The following CDYL variants were observed in gnomAD, a reference collection of about 807,000 sequenced individuals.
CDYL encodes chromodomain Y like.
In CDYL, 8 loss-of-function variants were observed where a neutral mutation model predicts 47.3. The observed-to-expected ratio is 0.17, with a 90% confidence interval of 0.10 to 0.31. The LOEUF (loss-of-function observed/expected upper bound fraction) is 0.31, where lower values mean the gene tolerates loss of function less well. Ranked by LOEUF, CDYL falls within the 10% of genes least tolerant of loss-of-function variation. The probability of loss-of-function intolerance (pLI) is 1.00; values close to 1 mark genes in which losing one functional copy is unlikely to be tolerated. For missense variants in CDYL, 471 were observed against 701.4 expected, an observed-to-expected ratio of 0.67 and a Z score of 3.71; for synonymous variants, 266 against 265.0, an observed-to-expected ratio of 1.00 and a Z score of -0.04.
rs1276195653 is a variant in CDYL at position 4,712,403 on chromosome 6, AG to A, written c.-38-3335del. Among the ~76,000 whole-genome samples, 8 of 152,348 alleles carry A rather than the reference AG, an allele frequency of 5.3e-5. No homozygotes were observed. The East Asian group carries it at 1.5e-3, about 29-fold the overall frequency. ...CCAAGGTCCCCAACTGAAGGTAGAA[AG>A]GGTGACAGTGGCCAGCGGAGTGAGA... On this transcript the variant is annotated intron_variant, in intron 1 of 8. Transcript: ENST00000328908.
At chr6:4,890,055 A>G in intron 1 of CDYL, 2 of 985,446 alleles carry the variant, frequency 2.0e-6, no homozygotes, top group Non-Finnish European at 2.4e-6. Flanking sequence ...GGCTCTAAGG[A>G]AACAGAGGAA....
At chr6:4,842,729 T>C (rs913768380) in intron 1 of CDYL, among the ~76,000 whole-genome samples, 2 of 152,192 alleles carry the variant, frequency 1.3e-5, no homozygotes, top group African/African-American at 4.8e-5. Context: ...TTCTGTTCTC[T>C]TTCCAGTGGA....
intron 5 of CDYL, among the ~76,000 whole-genome samples, chr6:4,947,449 G>A (rs546866765): frequency 6.6e-6 from 1 of 152,150 alleles, no homozygotes; most frequent in Non-Finnish European, 1.5e-5. Flanking sequence ...GACAAGTCCA[G>A]GGGCTAAGGC....
intron 1 of CDYL, among the ~76,000 whole-genome samples, chr6:4,849,822 G>T (rs1435843193): frequency 6.6e-6 from 1 of 151,790 alleles, no homozygotes; most frequent in African/African-American, 2.4e-5. Context: ...CCTTCATGAA[G>T]CTCACATGTA....
At chr6:4,856,227 T>C (rs907564396) in intron 1 of CDYL, among the ~76,000 whole-genome samples, 3 of 152,080 alleles carry the variant, frequency 2.0e-5, no homozygotes, top group Non-Finnish European at 4.4e-5. Flanking sequence ...CTGTGATAAA[T>C]CATAAGGAGA....
At chr6:4,750,508 A>T (rs1013283647) in intron 3 of CDYL, among the ~76,000 whole-genome samples, 5 of 151,356 alleles carry the variant, frequency 3.3e-5, no homozygotes, top group South Asian at 2.1e-4. Context: ...GGCCAAAAAA[A>T]TTTTTTTAAT....
At chr6:4,735,114 CCG>C (rs1366194981) in intron 3 of CDYL, among the ~76,000 whole-genome samples, 2 of 151,974 alleles carry the variant, frequency 1.3e-5, no homozygotes. Context: ...TGGAGAAACC[CCG>C]TCTCTACTAA....
intron 3 of CDYL, among the ~76,000 whole-genome samples, chr6:4,760,853 A>AT (rs1448144954): frequency 1.2e-3 from 180 of 145,884 alleles, no homozygotes; most frequent in South Asian, 2.4e-3. Context: ...GCCTTCTGGG[A>AT]TTTTTTTTTT....
At chr6:4,907,797 G>T (rs1023338479) in intron 2 of CDYL, among the ~76,000 whole-genome samples, 1 of 152,194 alleles carries the variant, frequency 6.6e-6, no homozygotes, top group Admixed American at 6.5e-5. Context: ...TTAGGTTGCT[G>T]TTATGGTGAG....
intron 1 of CDYL, among the ~76,000 whole-genome samples, chr6:4,870,840 G>A (rs952584795): frequency 1.3e-5 from 2 of 151,846 alleles, no homozygotes; most frequent in Non-Finnish European, 2.9e-5. Flanking sequence ...TTTGATACAC[G>A]CTTTTTATTT....
At chr6:4,802,732 CT>C (rs1190362699) in intron 1 of CDYL, among the ~76,000 whole-genome samples, 1 of 138,314 alleles carries the variant, frequency 7.2e-6, no homozygotes, top group Non-Finnish European at 1.5e-5. Flanking sequence ...TTATTTTGTT[CT>C]TTTTTTTTCC....
chr6:4,754,935 A>G (rs1368427023), intron 3 of CDYL, among the ~76,000 whole-genome samples: 1 of 152,122 alleles, frequency 6.6e-6, no homozygotes, highest in Non-Finnish European at 1.5e-5. Context: ...GTGTCTGCTT[A>G]CTTCTTTTTT....
intron 2 of CDYL, among the ~76,000 whole-genome samples, chr6:4,916,830 A>T (rs1237509430): frequency 2.0e-5 from 3 of 152,116 alleles, no homozygotes; most frequent in African/African-American, 7.2e-5. Context: ...GTGTGTAGTG[A>T]TCCCCTCATG....
intron 2 of CDYL, among the ~76,000 whole-genome samples, chr6:4,733,779 C>T (rs866325915): frequency 1.3e-5 from 2 of 152,042 alleles, no homozygotes; most frequent in Admixed American, 6.5e-5. Context: ...GGGCTGTTTG[C>T]TCTTTCTGCA....
At chr6:4,938,819 G>A (rs994946024) in intron 4 of CDYL, among the ~76,000 whole-genome samples, 1 of 152,086 alleles carries the variant, frequency 6.6e-6, no homozygotes, top group Non-Finnish European at 1.5e-5. Flanking sequence ...ATTTTCCTCT[G>A]CTATATGATA....
intron 1 of CDYL, among the ~76,000 whole-genome samples, chr6:4,794,499 G>A (rs1449539292): frequency 6.6e-6 from 1 of 152,246 alleles, no homozygotes; most frequent in South Asian, 2.1e-4. Flanking sequence ...AGAGAACTGG[G>A]AGTGCCGGGC....
chr6:4,708,384 T>G (rs1757085767), intron 1 of CDYL, among the ~76,000 whole-genome samples: 1 of 152,158 alleles, frequency 6.6e-6, no homozygotes, highest in Non-Finnish European at 1.5e-5. Context: ...GATCTCAAAC[T>G]CCTGGTCTCA....
intron 1 of CDYL, among the ~76,000 whole-genome samples, chr6:4,818,439 A>C (rs1007497634): frequency 6.6e-6 from 1 of 152,184 alleles, no homozygotes; most frequent in Non-Finnish European, 1.5e-5. Context: ...TGAGGTATGT[A>C]CAGTGAACAG....
At chr6:4,821,440 A>G (rs1759834596) in intron 1 of CDYL, among the ~76,000 whole-genome samples, 1 of 151,824 alleles carries the variant, frequency 6.6e-6, no homozygotes, top group Admixed American at 6.6e-5. Flanking sequence ...TTCATATAAA[A>G]GCATTCCTTG....
Sources: allele counts gnomAD v4.1 joint callset (sites outside exome capture counted in the v4.1 genomes callset), GRCh38; gene constraint gnomAD v4.1.1; transcripts MANE v1.5; gene names NCBI Gene and HGNC (gene_info 2026-07-23, HGNC 2026-07-21).